The following PICALM variants were observed in gnomAD, a reference collection of about 807,000 sequenced individuals.
PICALM encodes phosphatidylinositol-binding clathrin assembly protein.
A neutral mutation model predicts 80.5 loss-of-function variants in PICALM; 40 were observed. The ratio of observed to expected loss-of-function variants is 0.50; its 90% CI spans 0.39 to 0.65. PICALM has a LOEUF of 0.65. Ranked by LOEUF, PICALM falls within the 30% of genes least tolerant of loss-of-function variation. The pLI is 0.00. For synonymous variants in PICALM, 288 were observed against 260.3 expected, an observed-to-expected ratio of 1.11 and a Z score of -1.02; for missense variants, 676 against 778.9, an observed-to-expected ratio of 0.87 and a Z score of 1.57.
chr11:86,024,901 A>G (rs910595227), intron 3 of PICALM, among the ~76,000 whole-genome samples: 1 of 152,150 alleles, frequency 6.6e-6, no homozygotes, highest in African/African-American at 2.4e-5. Flanking sequence ...GCCCAGCACA[A>G]ATCTCACCTT....
chr11:85,973,266 G>A (rs182882969), intron 19 of PICALM, among the ~76,000 whole-genome samples: 31 of 152,214 alleles, frequency 2.0e-4, no homozygotes, highest in Admixed American at 1.5e-3. Context: ...ATTAAGAGAC[G>A]CATTATTCAA....
rs2094453880 is a variant in PICALM, at chr11:85,981,982, A to T, written c.1538T>A (p.Leu513His). 6.2e-7 allele frequency: 1 copy of T among 1,613,504 alleles called. No homozygotes were observed. The highest frequency in any genetic ancestry group is 8.5e-7 in the Non-Finnish European group (1 of 1,179,422). ...CTGAGAGGCCACTGTTGGTTTGAGAAGTCCACCTAGTTCATCAAAGCCTTA... is the reference window on the plus strand; with the variant it reads ...CTGAGAGGCCACTGTTGGTTTGAGATGTCCACCTAGTTCATCAAAGCCTTA... ...DSGGFDELGG[L>H]LKPTVASQNQ... Residue 513 changes from leucine (L) to histidine (H), a missense_variant, in exon 15 of 20, where the codon CTT (leucine) becomes CAT (histidine). Around this residue, in one of 2 missense-constraint regions of PICALM, gnomAD observed 391 missense variants for 383.6 expected, o/e 1.02. Transcript: ENST00000393346.
intron 1 of PICALM, among the ~76,000 whole-genome samples, chr11:86,061,973 C>T (rs371180059): frequency 7.3e-5 from 11 of 151,408 alleles, no homozygotes; most frequent in East Asian, 3.9e-4. Context: ...TTGAGGAAAT[C>T]GTAAACGCAT....
intron 1 of PICALM, among the ~76,000 whole-genome samples, chr11:86,060,501 C>G (rs1223835560): frequency 6.6e-6 from 1 of 152,104 alleles, no homozygotes; most frequent in Admixed American, 6.5e-5. Flanking sequence ...CACACAGCCT[C>G]TAGAAAACTC....
intron 19 of PICALM, among the ~76,000 whole-genome samples, chr11:85,965,212 T>A (rs2093835425): frequency 6.6e-6 from 1 of 152,164 alleles, no homozygotes; most frequent in Non-Finnish European, 1.5e-5. Flanking sequence ...GTGTGATACC[T>A]TCCACCATAC....
intron 14 of PICALM, 111 bp from the exon 15 acceptor site, chr11:85,982,114 C>CA (rs2094456995): frequency 4.4e-6 from 4 of 901,652 alleles, no homozygotes; most frequent in South Asian, 3.0e-5. Context: ...AAAAGTTATC[C>CA]AAAAAATAGA....
intron 1 of PICALM, among the ~76,000 whole-genome samples, chr11:86,033,752 A>G (rs2095798629): frequency 6.6e-6 from 1 of 152,148 alleles, no homozygotes; most frequent in Non-Finnish European, 1.5e-5. Flanking sequence ...TCTCAACTCT[A>G]TCCCCAAAGA....
intron 19 of PICALM, among the ~76,000 whole-genome samples, chr11:85,962,006 G>A (rs1226822569): frequency 6.6e-6 from 1 of 152,130 alleles, no homozygotes; most frequent in Non-Finnish European, 1.5e-5. Context: ...TATACTCATG[G>A]TTGAGTAATT....
chr11:86,020,811 C>A (rs544300779), intron 4 of PICALM, among the ~76,000 whole-genome samples: 27 of 151,894 alleles, frequency 1.8e-4, no homozygotes, highest in Non-Finnish European at 3.4e-4. Flanking sequence ...ATCTTTGTGA[C>A]CCTGGATTAA....
At chr11:86,018,457 T>C (rs1486075862) in intron 4 of PICALM, among the ~76,000 whole-genome samples, 1 of 152,202 alleles carries the variant, frequency 6.6e-6, no homozygotes, top group Non-Finnish European at 1.5e-5. Flanking sequence ...ACTCATCAAT[T>C]TTAATAATTT....
intron 2 of PICALM, among the ~76,000 whole-genome samples, chr11:86,026,798 C>T (rs1266910243): frequency 6.6e-6 from 1 of 152,168 alleles, no homozygotes; most frequent in African/African-American, 2.4e-5. Flanking sequence ...CCAGATTAAA[C>T]AAATTCACAT....
intron 19 of PICALM, among the ~76,000 whole-genome samples, chr11:85,961,380 G>T (rs2093683364): frequency 6.6e-6 from 1 of 152,194 alleles, no homozygotes; most frequent in South Asian, 2.1e-4. Flanking sequence ...GTCACCTACT[G>T]TAACTGTCCA....
chr11:86,000,155 A>T (rs1432979441), intron 11 of PICALM, among the ~76,000 whole-genome samples: 2 of 152,238 alleles, frequency 1.3e-5, no homozygotes, highest in Non-Finnish European at 2.9e-5. Context: ...CAACAAGATT[A>T]TTAAAGTTAG....
At chr11:86,023,457 AGCTCTTCG>A (rs1290582671) in intron 3 of PICALM, 1 of 985,098 alleles carries the variant, frequency 1.0e-6, no homozygotes, top group Non-Finnish European at 1.2e-6. Flanking sequence ...CACATTCCTC[AGCTCTTCG>A]GTTCATATGG....
chr11:85,969,026 A>G (rs889003949), intron 19 of PICALM, among the ~76,000 whole-genome samples: 5 of 151,254 alleles, frequency 3.3e-5, no homozygotes, highest in Admixed American at 2.0e-4. Flanking sequence ...ATAGGAATTC[A>G]TAAGTTCAAA....
intron 19 of PICALM, chr11:85,960,853 T>C (rs1032422545): frequency 3.4e-6 from 2 of 583,228 alleles, no homozygotes; most frequent in East Asian, 1.2e-4. Flanking sequence ...AGAAAATGTA[T>C]GAAAGAAGAA....
At chr11:86,028,986 C>T (rs1348529857) in intron 2 of PICALM, among the ~76,000 whole-genome samples, 2 of 151,952 alleles carry the variant, frequency 1.3e-5, no homozygotes, top group Admixed American at 6.6e-5. Flanking sequence ...TACATATGTG[C>T]ACCACCACGC....
intron 6 of PICALM, among the ~76,000 whole-genome samples, chr11:86,011,522 A>G (rs2095393718): frequency 6.6e-6 from 1 of 152,194 alleles, no homozygotes; most frequent in Admixed American, 6.5e-5. Flanking sequence ...TGTCACTCAG[A>G]AAGTTCATTT....
chr11:86,008,961 A>G (rs1371459640), intron 7 of PICALM, among the ~76,000 whole-genome samples: 3 of 151,286 alleles, frequency 2.0e-5, no homozygotes, highest in East Asian at 1.9e-4. Flanking sequence ...CCAAAAAAAA[A>G]AAAAAAGAAA....
Sources: allele counts gnomAD v4.1 joint callset (sites outside exome capture counted in the v4.1 genomes callset), GRCh38; gene constraint gnomAD v4.1.1; regional missense constraint gnomAD v4.1.1; transcripts MANE v1.5; gene names NCBI Gene and HGNC (gene_info 2026-07-23, HGNC 2026-07-21).